The following RBFOX1 variants were observed in gnomAD, a reference collection of about 807,000 sequenced individuals.
The protein encoded by RBFOX1 is RNA binding protein fox-1 homolog 1.
In RBFOX1, 8 loss-of-function variants were observed where a neutral mutation model predicts 57.7. The ratio of observed to expected loss-of-function variants is 0.14; its 90% CI spans 0.08 to 0.25. The LOEUF (loss-of-function observed/expected upper bound fraction) is 0.25. Among genes scored for constraint, RBFOX1 ranks in the 10% least tolerant of loss-of-function variants. RBFOX1 has a pLI of 1.00. For missense variants in RBFOX1, 611 were observed against 548.5 expected (o/e 1.11, Z -1.14); for synonymous variants, 326 against 222.4 (o/e 1.47, Z -4.15).
chr16:7,484,708 C>T (rs2064936642), intron 4 of RBFOX1, among the ~76,000 whole-genome samples: 1 of 152,218 alleles, frequency 6.6e-6, no homozygotes. Flanking sequence ...AGGTGATCCG[C>T]TCGCTTCAGC....
chr16:5,407,745 C>T (rs1000848836), intron 1 of RBFOX1, among the ~76,000 whole-genome samples: 1 of 152,172 alleles, frequency 6.6e-6, no homozygotes, highest in African/African-American at 2.4e-5. Flanking sequence ...GATGGGGTTT[C>T]ACTGTGTTGG....
In RBFOX1 at chr16:7,710,727, C is replaced by A; in HGVS notation, c.1176C>A (p.Asn392Lys). Residue 392 changes from asparagine (N) to lysine (K), a missense_variant, in exon 16 of 16, where the codon AAC becomes AAA. This residue lies in a region of RBFOX1 where 267 missense variants were observed against 229.1 expected (regional missense o/e 1.17). Coordinates refer to ENST00000550418, the MANE Select transcript of RBFOX1 (RefSeq NM_018723.4). ...LQASIYRGGY[N>K]RFAPY ...CTAGTATATACCGAGGGGGATACAA[C>A]CGTTTTGCTCCATACTAAATGACAA... The A allele has an allele frequency of 1.3e-6, 2 of 1,596,582 alleles. No individual in the cohort carries two copies. Among genetic ancestry groups the A allele is most frequent in the Non-Finnish European group, 1.7e-6 (2 of 1,173,908 alleles).
chr16:6,993,971 A>G lies in RBFOX1; in HGVS notation c.-15-58086A>G, dbSNP rs149698534. On this transcript the variant is annotated intron_variant, in intron 3 of 15. Transcript: ENST00000550418. The stretch of plus-strand genomic sequence containing the variant: ...GCAAGGCAGAAAGATTATGCAGGGA[A>G]GAGGGGTGGAGGTGGCTTTAGAAGA... Among the ~76,000 whole-genome samples, 289 of 152,290 alleles carry G rather than the reference A, an allele frequency of 1.9e-3. 2 individuals carry two copies. Among genetic ancestry groups the G allele is most frequent in the African/African-American group, 6.5e-3 (272 of 41,568 alleles).
At chr16:5,698,368 A>T (rs2050914699) in intron 3 of RBFOX1, among the ~76,000 whole-genome samples, 1 of 152,190 alleles carries the variant, frequency 6.6e-6, no homozygotes, top group African/African-American at 2.4e-5. Flanking sequence ...TGTGTATATT[A>T]GATAGACAAG....
chr16:6,984,553 T>C (rs761007800), intron 3 of RBFOX1, among the ~76,000 whole-genome samples: 4 of 152,140 alleles, frequency 2.6e-5, no homozygotes, highest in Non-Finnish European at 4.4e-5. Context: ...CAGCAGCCCA[T>C]TGAGTTCCGG....
At chr16:5,692,417 G>A (rs1410063954) in intron 3 of RBFOX1, among the ~76,000 whole-genome samples, 1 of 151,974 alleles carries the variant, frequency 6.6e-6, no homozygotes, top group Non-Finnish European at 1.5e-5. Context: ...GATGAGTTCT[G>A]CTAACCACTG....
intron 3 of RBFOX1, among the ~76,000 whole-genome samples, chr16:5,795,693 C>T (rs1026722326): frequency 6.6e-6 from 1 of 152,190 alleles, no homozygotes; most frequent in African/African-American, 2.4e-5. Flanking sequence ...CTTCAAGAAG[C>T]CTTCTCTGGC....
rs145977385 is a variant in RBFOX1 at position 6,900,028 on chromosome 16, A to T, written c.-15-152029A>T. 5.5e-3 allele frequency among the ~76,000 whole-genome samples: 831 copies of T among 152,312 alleles called. 18 individuals carry two copies. The highest frequency in any genetic ancestry group is 0.019 in the African/African-American group (797 of 41,580). Reference sequence around the variant, plus strand: ...TTTATAACAGGAGGATGCTCATAGCATCAACTTCTAGGGTTGTCGGGAGGA... The same window carrying T: ...TTTATAACAGGAGGATGCTCATAGCTTCAACTTCTAGGGTTGTCGGGAGGA... On this transcript the variant is annotated intron_variant, in intron 3 of 15. Coordinates refer to ENST00000550418, the MANE Select transcript of RBFOX1 (RefSeq NM_018723.4).
intron 3 of RBFOX1, among the ~76,000 whole-genome samples, chr16:5,640,655 T>C (rs1371732525): frequency 6.7e-6 from 1 of 149,388 alleles, no homozygotes; most frequent in Non-Finnish European, 1.5e-5. Flanking sequence ...ATGCACAGCA[T>C]GCATACACAT....
At chr16:5,692,168 TGTGTGTGTGTGTGTGTGTG>T (rs2050704400) in intron 3 of RBFOX1, among the ~76,000 whole-genome samples, 82 of 143,544 alleles carry the variant, frequency 5.7e-4, no homozygotes, top group Middle Eastern at 3.5e-3. Context: ...GGACTGACTG[TGTGTGTGTGTGTGTGTGTG>T]TGTGTGTGTG....
chr16:5,946,537 A>G lies in RBFOX1; in HGVS notation c.351+79202A>G, dbSNP rs972145648. ...ATGGAAGTTCTACGCCCTTCCCCGTATCTCACTCTATGCATATTTTTTTCC... is the reference window on the plus strand; with the variant it reads ...ATGGAAGTTCTACGCCCTTCCCCGTGTCTCACTCTATGCATATTTTTTTCC... On this transcript the variant is annotated intron_variant, in intron 4 of 19. Transcript: ENST00000641259. This position sits in a 1 kb window ranked among gnomAD's most constrained non-coding sequence, Gnocchi z 4.6. Among the ~76,000 whole-genome samples the G allele has an allele frequency of 1.4e-5, 2 of 146,460 alleles. No homozygotes were observed. Among genetic ancestry groups the G allele is most frequent in the African/African-American group, 4.9e-5 (2 of 41,124 alleles).
intron 4 of RBFOX1, among the ~76,000 whole-genome samples, chr16:7,284,746 C>G (rs1341788264): frequency 6.6e-6 from 1 of 152,194 alleles, no homozygotes; most frequent in East Asian, 1.9e-4. Flanking sequence ...TTATCTGTGC[C>G]TTACTGGATT....
At chr16:6,511,600 T>A (rs995969173) in intron 2 of RBFOX1, among the ~76,000 whole-genome samples, 26 of 152,202 alleles carry the variant, frequency 1.7e-4, no homozygotes, top group African/African-American at 6.3e-4. Flanking sequence ...TCCTCATACA[T>A]AATTGCCCTG....
chr16:6,021,295 C>A (rs897100756), intron 1 of RBFOX1, among the ~76,000 whole-genome samples: 3 of 152,196 alleles, frequency 2.0e-5, no homozygotes, highest in African/African-American at 7.2e-5. Context: ...CATCCCTTCC[C>A]TGCCCCCTGT....
At chr16:5,639,890 A>C (rs369526954) in intron 3 of RBFOX1, among the ~76,000 whole-genome samples, 3 of 152,252 alleles carry the variant, frequency 2.0e-5, no homozygotes, top group South Asian at 4.1e-4. Flanking sequence ...GTTATGAGCT[A>C]TTTTCTGCTA....
At chr16:5,521,746 C>A (rs1419648860) in intron 2 of RBFOX1, among the ~76,000 whole-genome samples, 1 of 152,234 alleles carries the variant, frequency 6.6e-6, no homozygotes, top group Admixed American at 6.5e-5. Flanking sequence ...CTCCTGTTCA[C>A]ACAATATACC....
At chr16:7,112,248 G>T (rs1286684502) in intron 4 of RBFOX1, among the ~76,000 whole-genome samples, 3 of 152,062 alleles carry the variant, frequency 2.0e-5, no homozygotes, top group African/African-American at 7.2e-5. Flanking sequence ...TGTCTTCCAG[G>T]CTGGAGTGCA....
intron 4 of RBFOX1, among the ~76,000 whole-genome samples, chr16:7,416,235 T>C (rs991284119): frequency 6.6e-6 from 1 of 152,294 alleles, no homozygotes; most frequent in East Asian, 1.9e-4. Flanking sequence ...AGGAAACAGA[T>C]ATTATTTCTC....
intron 3 of RBFOX1, among the ~76,000 whole-genome samples, chr16:6,872,297 G>T (rs144970190): frequency 3.3e-5 from 5 of 152,264 alleles, no homozygotes; most frequent in Admixed American, 1.3e-4. Flanking sequence ...GGGGTAGTTT[G>T]CTTCTCTGCA....
Sources: gnomAD v4.1 joint callset for allele counts (sites outside exome capture counted in the v4.1 genomes callset) on GRCh38, gnomAD v4.1.1 for gene constraint, gnomAD v4.1.1 regional missense constraint, Gnocchi (gnomAD v3.1) non-coding constraint, MANE v1.5 for transcripts, NCBI Gene and HGNC (gene_info 2026-07-23, HGNC 2026-07-21) for gene names.